Variants in C8orf34 observed in about 807,000 individuals in gnomAD.
C8orf34 encodes the protein chromosome 8 open reading frame 34, also known as uncharacterized protein C8orf34.
A neutral mutation model predicts 68.3 loss-of-function variants in C8orf34; 65 were observed. The observed-to-expected ratio is 0.95, with a 90% CI of 0.78 to 1.17. C8orf34 has a LOEUF of 1.17. Among genes scored for constraint, C8orf34 ranks in the 50% most tolerant of loss-of-function variants. The probability of loss-of-function intolerance (pLI) is 0.00; values close to 1 mark genes in which losing one functional copy is unlikely to be tolerated. For synonymous variants in C8orf34, 244 were observed against 241.2 expected, an observed-to-expected ratio of 1.01 and a Z score of -0.11; for missense variants, 664 against 655.4, an observed-to-expected ratio of 1.01 and a Z score of -0.14.
At chr8:68,424,724 C>T (rs1003687046) in intron 1 of C8orf34, among the ~76,000 whole-genome samples, 2 of 152,008 alleles carry the variant, frequency 1.3e-5, no homozygotes, top group Non-Finnish European at 2.9e-5. Flanking sequence ...CACGGTGTAA[C>T]CCTGTCTCTA....
intron 3 of C8orf34, among the ~76,000 whole-genome samples, chr8:68,458,722 C>T (rs189904224): frequency 1.3e-5 from 2 of 152,226 alleles, no homozygotes; most frequent in Admixed American, 6.5e-5. Flanking sequence ...TGTGAGGTAG[C>T]GGTCATGGGC....
chr8:68,336,252 A>G (rs1042146533), intron 1 of C8orf34, among the ~76,000 whole-genome samples: 1 of 152,066 alleles, frequency 6.6e-6, no homozygotes. Context: ...CTAAGACTAC[A>G]GCTAAGACCC....
intron 13 of C8orf34, among the ~76,000 whole-genome samples, chr8:68,817,855 G>T (rs1208801808): frequency 6.6e-6 from 1 of 152,106 alleles, no homozygotes; most frequent in African/African-American, 2.4e-5. Flanking sequence ...CCAAGTGAAG[G>T]GGGAGGAACC....
chr8:68,359,767 A>T (rs543252505), intron 1 of C8orf34, among the ~76,000 whole-genome samples: 2 of 152,280 alleles, frequency 1.3e-5, no homozygotes, highest in Non-Finnish European at 2.9e-5. Flanking sequence ...CGGTCTTTGT[A>T]GGAATGTAAA....
chr8:68,673,030 G>A (rs994382557), intron 8 of C8orf34, among the ~76,000 whole-genome samples: 3 of 152,152 alleles, frequency 2.0e-5, no homozygotes, highest in African/African-American at 7.2e-5. Context: ...GACCAGGAGA[G>A]AACTCACTGC....
chr8:68,474,946 A>T (rs1160802911), intron 4 of C8orf34, among the ~76,000 whole-genome samples: 1 of 152,216 alleles, frequency 6.6e-6, no homozygotes, highest in Non-Finnish European at 1.5e-5. Flanking sequence ...CTATAAGTGT[A>T]GTGGCTCTAA....
At chr8:68,421,634 T>G (rs1300007826) in intron 1 of C8orf34, among the ~76,000 whole-genome samples, 1 of 152,142 alleles carries the variant, frequency 6.6e-6, no homozygotes, top group Non-Finnish European at 1.5e-5. Flanking sequence ...GTGGGTGGTC[T>G]GATGTTTCCA....
chr8:68,677,596 A>T (rs79235568), intron 8 of C8orf34, among the ~76,000 whole-genome samples: 10,991 of 124,046 alleles, frequency 0.089, 432 homozygotes, highest in Middle Eastern at 0.16. Flanking sequence ...GGCTCAAGAG[A>T]TCCACCTGCC....
intron 7 of C8orf34, among the ~76,000 whole-genome samples, chr8:68,603,525 CTATCTATCTATCTATCTATCT>C (rs778053977): frequency 0.31 from 36,789 of 119,232 alleles, 6,219 homozygotes; most frequent in African/African-American, 0.54. Context: ...ATACATATAT[CTATCTATCTATCTATCTATCT>C]ATCTATCTAT....
chr8:68,360,545 G>A (rs1168291164), intron 1 of C8orf34, among the ~76,000 whole-genome samples: 3 of 151,992 alleles, frequency 2.0e-5, no homozygotes, highest in Non-Finnish European at 4.4e-5. Flanking sequence ...ACAGCCTTGG[G>A]CCACTGAGAA....
At chr8:68,418,344 G>A (rs1419047088) in intron 1 of C8orf34, among the ~76,000 whole-genome samples, 1 of 151,496 alleles carries the variant, frequency 6.6e-6, no homozygotes, top group African/African-American at 2.4e-5. Context: ...GAATAGGAGT[G>A]GTGAGAGAGG....
chr8:68,818,309 A>C lies in C8orf34; in HGVS notation c.*63A>C. ...TGCAGTTATTCAAATCCTTATGTAT[A>C]GTTCTAATTTTATTTACTATGTGTA... is the stretch of plus-strand genomic sequence containing the variant. On this transcript the variant is annotated 3_prime_UTR_variant, in exon 14 of 14. Transcript: ENST00000518698. The C allele has an allele frequency of 1.3e-6, 2 of 1,522,524 alleles. No individual in the cohort carries two copies. The highest frequency in any genetic ancestry group is 2.3e-5 in the South Asian group (2 of 87,092). The allele number at this position is 1,522,524 out of a possible 1,614,324, so 94.3% of individuals were successfully genotyped here.
At chr8:68,616,016 T>C (rs191337565) in intron 7 of C8orf34, among the ~76,000 whole-genome samples, 3 of 151,356 alleles carry the variant, frequency 2.0e-5, no homozygotes, top group African/African-American at 7.3e-5. Flanking sequence ...GGTTTAGTCT[T>C]GGGAGGGTGT....
chr8:68,471,008 A>G (rs1812356168), intron 4 of C8orf34, among the ~76,000 whole-genome samples: 1 of 152,134 alleles, frequency 6.6e-6, no homozygotes, highest in Admixed American at 6.6e-5. Flanking sequence ...CCAGCCTAGT[A>G]AAACAATAAA....
At chr8:68,523,541 A>G (rs1050912076) in intron 6 of C8orf34, among the ~76,000 whole-genome samples, 4 of 152,312 alleles carry the variant, frequency 2.6e-5, no homozygotes, top group East Asian at 1.9e-4. Flanking sequence ...TAAATTATAA[A>G]TTGAGGTATT....
intron 8 of C8orf34, among the ~76,000 whole-genome samples, chr8:68,661,463 T>G (rs1049578012): frequency 3.3e-5 from 5 of 152,188 alleles, no homozygotes; most frequent in Non-Finnish European, 7.3e-5. Context: ...GAATTAGGCA[T>G]GCAGACACTT....
intron 5 of C8orf34, among the ~76,000 whole-genome samples, chr8:68,511,233 A>T (rs988716902): frequency 6.6e-6 from 1 of 152,224 alleles, no homozygotes; most frequent in Non-Finnish European, 1.5e-5. Context: ...TTACTTCTAT[A>T]GAATGGTGCG....
intron 8 of C8orf34, among the ~76,000 whole-genome samples, chr8:68,697,824 G>A (rs1820879490): frequency 6.6e-6 from 1 of 152,056 alleles, no homozygotes; most frequent in Admixed American, 6.6e-5. Flanking sequence ...TCCCTGCATG[G>A]CATGATCCTA....
intron 1 of C8orf34, among the ~76,000 whole-genome samples, chr8:68,334,768 A>G (rs814450): frequency 0.59 from 90,251 of 152,056 alleles, 28,052 homozygotes; most frequent in African/African-American, 0.8. Flanking sequence ...TCTCTGTTCC[A>G]CTCAAAGTGC....
Sources: gnomAD v4.1 joint callset for allele counts (sites outside exome capture counted in the v4.1 genomes callset) on GRCh38, gnomAD v4.1.1 for gene constraint, MANE v1.5 for transcripts, NCBI Gene and HGNC (gene_info 2026-07-23, HGNC 2026-07-21) for gene names.